The following CERK variants were observed in gnomAD, a reference collection of about 807,000 sequenced individuals.
CERK encodes acylsphingosine kinase.
A neutral mutation model predicts 63.4 loss-of-function variants in CERK; 39 were observed. The observed-to-expected ratio is 0.61, with a 90% CI of 0.48 to 0.80. The LOEUF is 0.80. Ranked by LOEUF, CERK falls within the 30% of genes least tolerant of loss-of-function variation. The pLI is 0.00. For synonymous variants in CERK, 302 were observed against 280.0 expected, an observed-to-expected ratio of 1.08 and a Z score of -0.78; for missense variants, 670 against 714.1, an observed-to-expected ratio of 0.94 and a Z score of 0.70.
Position 46,738,022 on chromosome 22 carries a change from C to G in CERK, c.127G>C (p.Gly43Arg). 1 of 1,189,708 alleles carries G rather than the reference C, an allele frequency of 8.4e-7. No individual in the cohort carries two copies. Among genetic ancestry groups the G allele is most frequent in the Non-Finnish European group, 1.0e-6 (1 of 964,192 alleles). 73.7% of individuals were successfully genotyped at this position (1,189,708 alleles called of 1,614,324 possible). Residue 43 changes from glycine to arginine, a missense_variant, in exon 1 of 13, where the codon GGC (glycine) becomes CGC (arginine). Transcript: ENST00000216264. ...CGACACTCACCCGCGCCGGGGGCGC[C>G]GGCTCCGGGCCCCGGGCTCCGCCAC... is the stretch of plus-strand genomic sequence containing the variant. ...RWWRSPGPGAGAPGADACSVP... is the reference protein window; with the variant it reads ...RWWRSPGPGARAPGADACSVP...
chr22:46,734,063 C>CATATATATATATATATATAT (rs1429583176), intron 1 of CERK, among the ~76,000 whole-genome samples: 3 of 100,764 alleles, frequency 3.0e-5, no homozygotes, highest in African/African-American at 1.0e-4. Flanking sequence ...TATATACATA[C>CATATATATATATATATATAT]ATACATATAT....
intron 4 of CERK, among the ~76,000 whole-genome samples, chr22:46,711,601 C>A (rs900783089): frequency 6.6e-6 from 1 of 152,190 alleles, no homozygotes; most frequent in African/African-American, 2.4e-5. Flanking sequence ...ATTTCTAAGA[C>A]TTATTAATCC....
intron 6 of CERK, among the ~76,000 whole-genome samples, chr22:46,705,301 G>A (rs113486620): frequency 1.6e-3 from 238 of 152,296 alleles, no homozygotes; most frequent in African/African-American, 5.4e-3. Context: ...AGCAGGAGAC[G>A]GTGCCTTGAT....
At chr22:46,727,162 G>T (rs1358967575) in intron 1 of CERK, among the ~76,000 whole-genome samples, 1 of 152,156 alleles carries the variant, frequency 6.6e-6, no homozygotes, top group Non-Finnish European at 1.5e-5. Context: ...CTCACAGCAA[G>T]CCCCCAGAGT....
chr22:46,695,125 G>C (rs1601710461), intron 9 of CERK, 85 bp downstream of exon 9: 3 of 764,476 alleles, frequency 3.9e-6, no homozygotes, highest in Non-Finnish European at 6.6e-6. Context: ...ACCACATTTG[G>C]AAAATACTTC....
At chr22:46,689,539 T>C (rs921422096) in intron 12 of CERK, among the ~76,000 whole-genome samples, 10 of 152,094 alleles carry the variant, frequency 6.6e-5, no homozygotes, top group Non-Finnish European at 1.3e-4. Context: ...CCCGACTAAT[T>C]TTTTTTGTAT....
intron 1 of CERK, among the ~76,000 whole-genome samples, chr22:46,728,804 G>T (rs766038566): frequency 1.3e-5 from 2 of 152,220 alleles, no homozygotes; most frequent in Admixed American, 6.5e-5. Context: ...CCTCGGGGAC[G>T]TCTGAGCTAT....
rs1450508645 is a variant in CERK at position 46,711,070 on chromosome 22, A to C, written c.569+16T>G. On this transcript the variant is annotated intron_variant, in intron 5 of 12. Coordinates refer to ENST00000216264, the MANE Select transcript of CERK (RefSeq NM_022766.6). ...TTAACAATGGACTTGATGGCGATGA[A>C]AGACGGCTTACTCACCCGTCGTATT... 5 of 1,607,446 alleles carry C rather than the reference A, an allele frequency of 3.1e-6. No individual in the cohort carries two copies. Among genetic ancestry groups the C allele is most frequent in the Non-Finnish European group, 4.3e-6 (5 of 1,174,432 alleles).
At chr22:46,693,158 TG>T (rs757345374) in intron 10 of CERK, among the ~76,000 whole-genome samples, 12 of 152,064 alleles carry the variant, frequency 7.9e-5, no homozygotes, top group Non-Finnish European at 1.5e-4. Context: ...CTAGAGCACC[TG>T]GGACAGGAGT....
chr22:46,724,186 C>T (rs933628781), intron 1 of CERK, among the ~76,000 whole-genome samples: 1 of 152,166 alleles, frequency 6.6e-6, no homozygotes, highest in Non-Finnish European at 1.5e-5. Context: ...TTCCACTTAC[C>T]AGATAGTAAA....
intron 1 of CERK, among the ~76,000 whole-genome samples, chr22:46,731,382 C>T (rs984648438): frequency 3.3e-5 from 5 of 152,186 alleles, no homozygotes; most frequent in African/African-American, 9.6e-5. Context: ...AGAGGCCTGG[C>T]GGGAGCTGTA....
intron 1 of CERK, among the ~76,000 whole-genome samples, chr22:46,730,195 AT>A (rs2082938831): frequency 6.6e-6 from 1 of 151,052 alleles, no homozygotes; most frequent in Admixed American, 6.6e-5. Context: ...AGGCGGGCAG[AT>A]TGCCTGAGCT....
At chr22:46,730,080 G>A (rs2082938196) in intron 1 of CERK, among the ~76,000 whole-genome samples, 1 of 151,788 alleles carries the variant, frequency 6.6e-6, no homozygotes, top group Non-Finnish European at 1.5e-5. Context: ...CAAAGCAGCT[G>A]TTATAACCAT....
chr22:46,692,667 G>A lies in CERK; in HGVS notation c.1126+760C>T, dbSNP rs2082737440. On this transcript the variant is annotated intron_variant, in intron 10 of 12. Transcript: ENST00000216264. ...GACCTGTGGTCCCAGCACTTTAGGA[G>A]GCTGAGGCAGTCAGATCACCTGAGG... Among the ~76,000 whole-genome samples, 7 of 151,926 alleles carry A rather than the reference G, an allele frequency of 4.6e-5. No homozygotes were observed. The South Asian group carries it at 1.5e-3, about 32-fold the overall frequency.
intron 5 of CERK, among the ~76,000 whole-genome samples, chr22:46,709,658 C>T (rs1290663530): frequency 6.6e-6 from 1 of 152,180 alleles, no homozygotes; most frequent in African/African-American, 2.4e-5. Context: ...ATTTATAACA[C>T]ATTGCTCACC....
At chr22:46,692,837 G>A (rs1259391164) in intron 10 of CERK, among the ~76,000 whole-genome samples, 6 of 150,552 alleles carry the variant, frequency 4.0e-5, no homozygotes, top group Admixed American at 1.3e-4. Context: ...CTCGGGAGGC[G>A]GAGGTTGCAG....
In CERK at chr22:46,685,514, A is replaced by G. The variant is rs2082695663; in HGVS notation, c.*1620T>C. Reference sequence around the variant, plus strand: ...CTGCCGGCTGCACAGGTTGCTGGGCACAGGCAGGCACAGCCAGTCTGGAAG... The same window carrying G: ...CTGCCGGCTGCACAGGTTGCTGGGCGCAGGCAGGCACAGCCAGTCTGGAAG... On this transcript the variant is annotated 3_prime_UTR_variant, in exon 13 of 13. Coordinates refer to ENST00000216264, the MANE Select transcript of CERK (RefSeq NM_022766.6). 8.2e-6 allele frequency: 1 copy of G among 121,688 alleles called. No individual in the cohort carries two copies. Among genetic ancestry groups the G allele is most frequent in the African/African-American group, 2.6e-5 (1 of 38,902 alleles). The allele number at this position is 121,688 out of a possible 1,614,324, so 7.5% of individuals were successfully genotyped here. A position where few individuals can be genotyped will look rare whatever the true frequency, so the allele number is the denominator to read the frequency against.
intron 8 of CERK, among the ~76,000 whole-genome samples, chr22:46,696,086 C>T (rs961304016): frequency 1.3e-5 from 2 of 152,194 alleles, no homozygotes; most frequent in African/African-American, 2.4e-5. Flanking sequence ...ACCTTACCCC[C>T]GACACACAGA....
At chr22:46,726,869 G>C (rs1050644657) in intron 1 of CERK, among the ~76,000 whole-genome samples, 3 of 152,140 alleles carry the variant, frequency 2.0e-5, no homozygotes, top group South Asian at 2.1e-4. Context: ...ACGCCCACAG[G>C]TCAGCCCTGA....
Sources: gnomAD v4.1 joint callset for allele counts (sites outside exome capture counted in the v4.1 genomes callset) on GRCh38, gnomAD v4.1.1 for gene constraint, MANE v1.5 for transcripts, NCBI Gene and HGNC (gene_info 2026-07-23, HGNC 2026-07-21) for gene names.